Variants in EYS observed in about 807,000 individuals in gnomAD.
The protein encoded by EYS is protein eyes shut homolog.
In EYS, 250 loss-of-function variants were observed where a neutral mutation model predicts 282.1. The ratio of observed to expected loss-of-function variants is 0.89; its 90% CI spans 0.80 to 0.98. The LOEUF (loss-of-function observed/expected upper bound fraction) is 0.98, where lower values mean the gene tolerates loss of function less well. Among genes scored for constraint, EYS ranks in the 50% least tolerant of loss-of-function variants. The probability of loss-of-function intolerance (pLI) is 0.00; values close to 1 mark genes in which losing one functional copy is unlikely to be tolerated. For missense variants in EYS, 4,016 were observed against 3,709.0 expected, an observed-to-expected ratio of 1.08 and a Z score of -2.15; for synonymous variants, 1,355 against 1,282.9, an observed-to-expected ratio of 1.06 and a Z score of -1.20.
intron 2 of EYS, among the ~76,000 whole-genome samples, chr6:65,569,797 C>T (rs1270031184): frequency 6.6e-6 from 1 of 152,146 alleles, no homozygotes; most frequent in African/African-American, 2.4e-5. Context: ...CCAAATTATC[C>T]TCAAAAAGAT....
At chr6:65,012,675 C>G (rs1403450233) in intron 13 of EYS, among the ~76,000 whole-genome samples, 2 of 152,002 alleles carry the variant, frequency 1.3e-5, no homozygotes, top group African/African-American at 2.4e-5. Flanking sequence ...GTAAGGGGGA[C>G]TGCCTAGAAG....
At chr6:64,410,997 T>A (rs1447298148) in intron 28 of EYS, among the ~76,000 whole-genome samples, 2 of 152,164 alleles carry the variant, frequency 1.3e-5, no homozygotes, top group Non-Finnish European at 2.9e-5. Flanking sequence ...TTTAATCAGC[T>A]TTTAAGAAAA....
At chr6:65,338,601 T>C (rs1207561087) in intron 10 of EYS, among the ~76,000 whole-genome samples, 2 of 151,152 alleles carry the variant, frequency 1.3e-5, no homozygotes, top group African/African-American at 2.4e-5. Flanking sequence ...TATTAAACTT[T>C]GATTGCACAA....
intron 22 of EYS, among the ~76,000 whole-genome samples, chr6:64,738,225 T>C (rs1772249471): frequency 6.6e-6 from 1 of 152,200 alleles, no homozygotes; most frequent in Non-Finnish European, 1.5e-5. Flanking sequence ...TGGATGGGGC[T>C]GGATCCCTCA....
chr6:63,994,119 G>T (rs1219769693), intron 34 of EYS, among the ~76,000 whole-genome samples: 1 of 151,860 alleles, frequency 6.6e-6, no homozygotes, highest in Non-Finnish European at 1.5e-5. Context: ...CAAGCATTTG[G>T]CATATATCTG....
chr6:64,939,162 A>G (rs1277231340), intron 15 of EYS, among the ~76,000 whole-genome samples: 4 of 151,892 alleles, frequency 2.6e-5, no homozygotes, highest in Admixed American at 2.6e-4. Context: ...AGAAAAGCCA[A>G]TATGAATATA....
chr6:64,462,445 T>A (rs989447439), intron 26 of EYS, among the ~76,000 whole-genome samples: 1 of 152,222 alleles, frequency 6.6e-6, no homozygotes, highest in Non-Finnish European at 1.5e-5. Flanking sequence ...TGTGATTGTA[T>A]ACAAAGACTG....
At chr6:65,467,958 A>G (rs1401716943) in intron 5 of EYS, among the ~76,000 whole-genome samples, 2 of 152,156 alleles carry the variant, frequency 1.3e-5, no homozygotes, top group Non-Finnish European at 2.9e-5. Flanking sequence ...TCATGCACAC[A>G]TTACTTTTGA....
intron 8 of EYS, among the ~76,000 whole-genome samples, chr6:65,367,883 T>G (rs1466213760): frequency 1.3e-5 from 2 of 151,684 alleles, no homozygotes; most frequent in Non-Finnish European, 2.9e-5. Flanking sequence ...AAGGTAACAT[T>G]GGCATAGCAG....
intron 12 of EYS, among the ~76,000 whole-genome samples, chr6:65,138,270 C>T (rs1333890112): frequency 6.6e-6 from 1 of 151,994 alleles, no homozygotes; most frequent in African/African-American, 2.4e-5. Flanking sequence ...AAATTAGCAA[C>T]AGTTAAATGA....
intron 12 of EYS, among the ~76,000 whole-genome samples, chr6:65,075,294 C>T (rs368446977): frequency 6.6e-6 from 1 of 152,076 alleles, no homozygotes; most frequent in African/African-American, 2.4e-5. Flanking sequence ...TGCCTACATG[C>T]ATTTACACAT....
chr6:65,126,660 A>G (rs1198501729), intron 12 of EYS, among the ~76,000 whole-genome samples: 1 of 152,204 alleles, frequency 6.6e-6, no homozygotes, highest in African/African-American at 2.4e-5. Flanking sequence ...ATTCTTATGC[A>G]GTCAGCTAAG....
chr6:65,535,037 G>A (rs961899177), intron 2 of EYS, among the ~76,000 whole-genome samples: 1 of 152,088 alleles, frequency 6.6e-6, no homozygotes, highest in South Asian at 2.1e-4. Context: ...GAAAACAAAA[G>A]CAATAGGAGA....
intron 19 of EYS, among the ~76,000 whole-genome samples, chr6:64,864,042 G>A (rs923335278): frequency 1.3e-5 from 2 of 152,012 alleles, no homozygotes; most frequent in Non-Finnish European, 2.9e-5. Context: ...TGTTTCTCTT[G>A]TGTCACACAT....
intron 12 of EYS, among the ~76,000 whole-genome samples, chr6:65,186,621 C>G (rs1234286414): frequency 1.3e-5 from 2 of 151,702 alleles, no homozygotes; most frequent in African/African-American, 4.8e-5. Context: ...ATAGAATTCA[C>G]TAAGAATTAT....
Position 65,402,562 on chromosome 6 carries a change from C to T in EYS, c.1100G>A (p.Cys367Tyr). The change falls in exon 7 of 43, where the codon TGT becomes TAT. Residue 367 changes from cysteine to tyrosine, a missense_variant. Transcript: ENST00000503581. Reference sequence around the variant, plus strand: ...CTCACATGATGTTTGAATGCTCTTACAAAGCAAATCTGTAAATATTGGTGA... The same window carrying T: ...CTCACATGATGTTTGAATGCTCTTATAAAGCAAATCTGTAAATATTGGTGA... ...ICSPIFTDLLCKSIQTSCESF... is the reference protein window; with the variant it reads ...ICSPIFTDLLYKSIQTSCESF... The T allele has an allele frequency of 1.3e-6, 2 of 1,579,130 alleles. No individual in the cohort carries two copies. The highest frequency in any genetic ancestry group is 3.3e-5 in the Admixed American group (2 of 59,732).
intron 30 of EYS, among the ~76,000 whole-genome samples, chr6:64,286,650 C>T (rs1204286132): frequency 1.3e-5 from 2 of 152,058 alleles, no homozygotes; most frequent in African/African-American, 4.8e-5. Flanking sequence ...TCATCTTGTC[C>T]ATCACACTGT....
At chr6:65,314,725 TG>T (rs1447274986) in intron 11 of EYS, among the ~76,000 whole-genome samples, 3 of 151,776 alleles carry the variant, frequency 2.0e-5, no homozygotes, top group Admixed American at 2.0e-4. Flanking sequence ...TACCCAAGGA[TG>T]GGACATAGCC....
chr6:65,576,100 A>G (rs1460891100), intron 2 of EYS, among the ~76,000 whole-genome samples: 1 of 152,018 alleles, frequency 6.6e-6, no homozygotes, highest in Non-Finnish European at 1.5e-5. Flanking sequence ...TTACCCAAAT[A>G]CCAAATTCAG....
Sources: gnomAD v4.1 joint callset for allele counts (sites outside exome capture counted in the v4.1 genomes callset) on GRCh38, gnomAD v4.1.1 for gene constraint, MANE v1.5 for transcripts, NCBI Gene and HGNC (gene_info 2026-07-23, HGNC 2026-07-21) for gene names.